The following NFIC variants were observed in gnomAD, a reference collection of about 807,000 sequenced individuals.
The protein encoded by NFIC is nuclear factor 1 C-type.
A neutral mutation model predicts 54.4 loss-of-function variants in NFIC; 12 were observed. That is an observed-to-expected ratio of 0.22 (90% CI 0.14 to 0.36). The LOEUF is 0.36. NFIC is among the 10% of genes least tolerant of loss of function. NFIC has a pLI of 1.00. For missense variants in NFIC, 575 were observed against 718.2 expected, an observed-to-expected ratio of 0.80 and a Z score of 2.28; for synonymous variants, 322 against 319.2, an observed-to-expected ratio of 1.01 and a Z score of -0.09.
At chr19:3,363,032 A>T (rs2080829824), upstream of NFIC, among the ~76,000 whole-genome samples, 1 of 152,028 alleles carries the variant, frequency 6.6e-6, no homozygotes, top group Admixed American at 6.6e-5. Context: ...CAGAGGAAAA[A>T]AAATCCAATC....
At chr19:3,407,272 C>T (rs1465935383) in intron 2 of NFIC, among the ~76,000 whole-genome samples, 3 of 151,966 alleles carry the variant, frequency 2.0e-5, no homozygotes, top group African/African-American at 7.2e-5. Flanking sequence ...CGCCACCACG[C>T]CCGGCTATAG....
chr19:3,405,018 C>T (rs929691307), intron 2 of NFIC, among the ~76,000 whole-genome samples: 4 of 152,288 alleles, frequency 2.6e-5, no homozygotes, highest in Middle Eastern at 6.8e-3. Context: ...CGCAGGACAC[C>T]GAGGCGTCCA....
Position 3,468,828 on chromosome 19 carries a change from T to C in NFIC, c.*6059T>C, listed in dbSNP as rs1396343041. The C allele has an allele frequency of 1.3e-5, 2 of 152,264 alleles. No individual in the cohort carries two copies. The highest frequency in any genetic ancestry group is 6.5e-5 in the Admixed American group (1 of 15,286). The allele number at this position is 152,264 out of a possible 1,614,324, so 9.4% of individuals were successfully genotyped here. A position where few individuals can be genotyped will look rare whatever the true frequency, so the allele number is the denominator to read the frequency against. On this transcript the variant is annotated 3_prime_UTR_variant, in exon 11 of 11. Transcript: ENST00000443272. The stretch of plus-strand genomic sequence containing the variant: ...ACATACACACCCACAAAAATGCTCA[T>C]GAACCCAATCCGGAGAAGGTTCCAG...
rs528249267 is a variant in NFIC, at chr19:3,368,901, C to G, written c.30+2235C>G. Among the ~76,000 whole-genome samples the G allele has an allele frequency of 1.1e-3, 156 of 138,260 alleles. 4 individuals carry two copies. The South Asian group carries it at 0.023, about 20-fold the overall frequency. The allele number at this position is 138,260 out of a possible 152,430, so 90.7% of individuals were successfully genotyped here. A position where few individuals can be genotyped will look rare whatever the true frequency, so the allele number is the denominator to read the frequency against. ...TCTGTCTTTCTCTCTTTCTCTCTGT[C>G]TTGCTCTGACTCTGTGTGTGTGTGT... On this transcript the variant is annotated intron_variant, in intron 1 of 10. Transcript: ENST00000443272.
intron 2 of NFIC, among the ~76,000 whole-genome samples, chr19:3,412,290 C>T (rs1388334284): frequency 2.0e-5 from 3 of 152,108 alleles, no homozygotes; most frequent in African/African-American, 7.2e-5. Flanking sequence ...CTCTGTTGCC[C>T]AGGCTGGAGT....
chr19:3,428,491 C>A (rs972887816), intron 3 of NFIC, among the ~76,000 whole-genome samples: 1 of 150,918 alleles, frequency 6.6e-6, no homozygotes, highest in Non-Finnish European at 1.5e-5. Flanking sequence ...GAAGAGAAAG[C>A]GAGTGGGTGA....
In NFIC at chr19:3,394,528, C is replaced by CCCCG. The variant is rs1222472030; in HGVS notation, c.562+12286_562+12287insCCGC. Among the ~76,000 whole-genome samples the CCCCG allele has an allele frequency of 4.3e-5, 3 of 69,984 alleles. 1 individual carries two copies. Among genetic ancestry groups the CCCCG allele is most frequent in the African/African-American group, 1.7e-4 (3 of 17,572 alleles). 45.9% of individuals were successfully genotyped at this position (69,984 alleles called of 152,430 possible). A position where few individuals can be genotyped will look rare whatever the true frequency, so the allele number is the denominator to read the frequency against. ...TTATGATCTTTTCCCCACCCACCCC[C>CCCCG]CACCCGCTTACACTAAGTCTGAAAT... On this transcript the variant is annotated intron_variant, in intron 2 of 10. Transcript: ENST00000443272.
chr19:3,464,175 A>AC lies in NFIC; in HGVS notation c.*1410dup. ...ACCGCCGTTTGCACTTTCATCGCCT[A>AC]CCCCGACGCGGGGCCCAGCTGCGGG... On this transcript the variant is annotated 3_prime_UTR_variant, in exon 11 of 11. Coordinates refer to ENST00000443272, the MANE Select transcript of NFIC (RefSeq NM_001245002.2). 3 of 983,750 alleles carry AC rather than the reference A, an allele frequency of 3.0e-6. No individual in the cohort carries two copies. Among genetic ancestry groups the AC allele is most frequent in the Non-Finnish European group, 3.6e-6 (3 of 829,780 alleles). The allele number at this position is 983,750 out of a possible 1,614,324, so 60.9% of individuals were successfully genotyped here. A position where few individuals can be genotyped will look rare whatever the true frequency, so the allele number is the denominator to read the frequency against.
At chr19:3,373,532 A>G (rs12976088) in intron 1 of NFIC, among the ~76,000 whole-genome samples, 52,240 of 148,822 alleles carry the variant, frequency 0.35, 10,264 homozygotes, top group Middle Eastern at 0.55. Flanking sequence ...TGCATGACCC[A>G]TTTCTCCATC....
At chr19:3,404,139 C>T (rs1238658710) in intron 2 of NFIC, among the ~76,000 whole-genome samples, 1 of 152,060 alleles carries the variant, frequency 6.6e-6, no homozygotes, top group East Asian at 1.9e-4. Context: ...TGCCCTTCTC[C>T]CCCCCCCGTC....
rs373904141 is a variant in NFIC at position 3,435,139 on chromosome 19, G to A, written c.890G>A (p.Gly297Asp). Residue 297 changes from glycine to aspartate, a missense_variant, in exon 6 of 11, where the codon GGC becomes GAC. Coordinates refer to ENST00000443272, the MANE Select transcript of NFIC (RefSeq NM_001245002.2). ...GAAGACGTGGACACGAGCCCTGGCGGCGATTACTACACTTCGCCCAGCTCG... is the reference window on the plus strand; with the variant it reads ...GAAGACGTGGACACGAGCCCTGGCGACGATTACTACACTTCGCCCAGCTCG... ...MEEDVDTSPG[G>D]DYYTSPSSPT... is the part of the protein sequence containing the mutation. The A allele has an allele frequency of 2.1e-5, 33 of 1,606,144 alleles. No individual in the cohort carries two copies. The highest frequency in any genetic ancestry group is 4.0e-5 in the African/African-American group (3 of 74,890).
intron 1 of NFIC, 108 bp from the exon 2 acceptor site, chr19:3,381,604 C>A: frequency 6.9e-7 from 1 of 1,443,366 alleles, no homozygotes; most frequent in Non-Finnish European, 9.1e-7. Context: ...GCCCCTCCCA[C>A]TCTGCGGGTC....
Position 3,401,385 on chromosome 19 carries a change from G to A in NFIC, c.562+19142G>A, listed in dbSNP as rs530521394. On this transcript the variant is annotated intron_variant, in intron 2 of 10. Coordinates refer to ENST00000443272, the MANE Select transcript of NFIC (RefSeq NM_001245002.2). ...GTGGACCGCCCTGGTGCAAGCAGGC[G>A]GTAGCAGGGACAGAGGCAGAGGAGG... Among the ~76,000 whole-genome samples, 4 of 152,226 alleles carry A rather than the reference G, an allele frequency of 2.6e-5. No individual in the cohort carries two copies. The South Asian group carries it at 6.2e-4, about 24-fold the overall frequency.
chr19:3,462,644 T>TG (rs2082658229), intron 10 of NFIC, 108 bp from the exon 11 acceptor site: 3 of 1,256,468 alleles, frequency 2.4e-6, no homozygotes, highest in South Asian at 2.4e-5. Flanking sequence ...TTGCAGGAGG[T>TG]GGGGGGTGAG....
chr19:3,464,392 G>C lies in NFIC; in HGVS notation c.*1623G>C, dbSNP rs1431616036. On this transcript the variant is annotated 3_prime_UTR_variant, in exon 11 of 11. Transcript: ENST00000443272. Reference sequence around the variant, plus strand: ...AAACACTAAGCTGGGGACGCCAGGTGCCCCCCCACCCCGGCTCCCTGGCCC... The same window carrying C: ...AAACACTAAGCTGGGGACGCCAGGTCCCCCCCCACCCCGGCTCCCTGGCCC... 1.0e-5 allele frequency: 10 copies of C among 984,036 alleles called. No homozygotes were observed. The highest frequency in any genetic ancestry group is 1.2e-5 in the Non-Finnish European group (10 of 829,118). 61.0% of individuals were successfully genotyped at this position (984,036 alleles called of 1,614,324 possible).
chr19:3,447,298 C>CAA (rs1178839836), intron 6 of NFIC, among the ~76,000 whole-genome samples: 1,220 of 77,980 alleles, frequency 0.016, 26 homozygotes, highest in African/African-American at 0.051. Context: ...GACTCTATCT[C>CAA]AAAAAAAAAA....
At chr19:3,434,785 C>T (rs1265850481) in intron 5 of NFIC, among the ~76,000 whole-genome samples, 1 of 152,192 alleles carries the variant, frequency 6.6e-6, no homozygotes, top group Non-Finnish European at 1.5e-5. Context: ...CTGAGGACTA[C>T]AGGTGGCCAG....
chr19:3,441,046 C>T (rs887019988), intron 6 of NFIC, among the ~76,000 whole-genome samples: 7 of 152,026 alleles, frequency 4.6e-5, no homozygotes, highest in Non-Finnish European at 1.0e-4. Flanking sequence ...AACTCCTGGG[C>T]TCATCCTCCT....
In NFIC at chr19:3,402,153, C is replaced by A. The variant is rs906211600; in HGVS notation, c.562+19910C>A. ...CTCCGCCTCCAGGGTTCAAGCAATTCTCCTGCCTCAGCCTCCCAAGTAGCT... is the reference window on the plus strand; with the variant it reads ...CTCCGCCTCCAGGGTTCAAGCAATTATCCTGCCTCAGCCTCCCAAGTAGCT... On this transcript the variant is annotated intron_variant, in intron 2 of 10. Coordinates refer to ENST00000443272, the MANE Select transcript of NFIC (RefSeq NM_001245002.2). 6.6e-5 allele frequency among the ~76,000 whole-genome samples: 10 copies of A among 152,350 alleles called. No homozygotes were observed. The South Asian group carries it at 2.1e-3, about 32-fold the overall frequency.
Sources: allele counts gnomAD v4.1 joint callset (sites outside exome capture counted in the v4.1 genomes callset), GRCh38; gene constraint gnomAD v4.1.1; transcripts MANE v1.5; gene names NCBI Gene and HGNC (gene_info 2026-07-23, HGNC 2026-07-21).